GALNT13: variants seen among roughly 807,000 people sequenced by gnomAD.
GALNT13 encodes polypeptide N-acetylgalactosaminyltransferase 13.
GALNT13 carries 28 observed loss-of-function variants against 64.2 expected under a neutral mutation model. The observed-to-expected ratio is 0.44, with a 90% CI of 0.32 to 0.60. The LOEUF (loss-of-function observed/expected upper bound fraction) is 0.60. GALNT13 is among the 20% of genes least tolerant of loss of function. The pLI is 0.05. For missense variants in GALNT13, 577 were observed against 669.8 expected (o/e 0.86, Z 1.53); for synonymous variants, 214 against 224.6 (o/e 0.95, Z 0.42).
At chr2:153,720,253 G>C in the GALNT13 span, among the ~76,000 whole-genome samples, 71 of 145,640 alleles carry the variant, frequency 4.9e-4, 2 homozygotes, top group African/African-American at 1.8e-3. Context: ...TGAGGGTCCT[G>C]TCTGTTAGAA....
Position 154,242,067 on chromosome 2 carries a change from A to T in GALNT13, c.349A>T (p.Thr117Ser), listed in dbSNP as rs1689518317. Residue 117 changes from threonine (T) to serine (S), a missense_variant, in exon 5 of 13, where the codon ACA (threonine) becomes TCA (serine). Thr to Ser is a moderately conservative substitution (Grantham distance 58). Around this residue, in one of 3 missense-constraint regions of GALNT13, gnomAD observed 341 missense variants for 379.3 expected, o/e 0.90. Coordinates refer to ENST00000392825, the MANE Select transcript of GALNT13 (RefSeq NM_052917.4). Reference sequence around the variant, plus strand: ...AGTCTACCCTGATGAACTTCCAAACACAAGTGTAGTCATTGTGTTTCATAA... The same window carrying T: ...AGTCTACCCTGATGAACTTCCAAACTCAAGTGTAGTCATTGTGTTTCATAA... The part of the protein sequence containing the change: ...TKVYPDELPN[T>S]SVVIVFHNEA... 6.2e-7 allele frequency: 1 copy of T among 1,608,466 alleles called. No homozygotes were observed. Among genetic ancestry groups the T allele is most frequent in the African/African-American group, 1.3e-5 (1 of 74,700 alleles).
the GALNT13 span, among the ~76,000 whole-genome samples, chr2:153,534,717 G>T: frequency 6.6e-6 from 1 of 151,742 alleles, no homozygotes; most frequent in African/African-American, 2.4e-5. Context: ...GGTGCTCAGT[G>T]GGGGAGCTTT....
chr2:154,292,513 C>A (rs1013578320), intron 8 of GALNT13, among the ~76,000 whole-genome samples: 11 of 152,022 alleles, frequency 7.2e-5, no homozygotes, highest in African/African-American at 2.7e-4. Flanking sequence ...TATTATTTTA[C>A]CAGGTTTGCT....
At chr2:154,456,191 T>TTG (rs1702031063), downstream of GALNT13, among the ~76,000 whole-genome samples, 1 of 146,296 alleles carries the variant, frequency 6.8e-6, no homozygotes, top group African/African-American at 2.5e-5. Context: ...TTTGTTTTGT[T>TTG]TTGTTGTTGT....
the GALNT13 span, among the ~76,000 whole-genome samples, chr2:153,652,273 T>C: frequency 6.6e-6 from 1 of 152,188 alleles, no homozygotes; most frequent in African/African-American, 2.4e-5. Context: ...GTTGTAAAAG[T>C]ATTTTACAAT....
At chr2:154,123,980 C>G (rs1462184408) in intron 3 of GALNT13, among the ~76,000 whole-genome samples, 1 of 151,938 alleles carries the variant, frequency 6.6e-6, no homozygotes, top group Non-Finnish European at 1.5e-5. Context: ...ACTCATTGAA[C>G]TGCAAACAAA....
chr2:154,314,929 A>C (rs1423135850), intron 9 of GALNT13, among the ~76,000 whole-genome samples: 2 of 152,120 alleles, frequency 1.3e-5, no homozygotes, highest in Non-Finnish European at 2.9e-5. Context: ...TTCCTATGTT[A>C]TACTCATTTT....
chr2:154,370,781 T>C (rs1442690636), intron 9 of GALNT13, among the ~76,000 whole-genome samples: 1 of 152,126 alleles, frequency 6.6e-6, no homozygotes, highest in Non-Finnish European at 1.5e-5. Flanking sequence ...TTATAGATAA[T>C]ATTTAAATCC....
intron 9 of GALNT13, among the ~76,000 whole-genome samples, chr2:154,369,715 A>G (rs994720078): frequency 3.3e-5 from 5 of 152,202 alleles, no homozygotes; most frequent in African/African-American, 4.8e-5. Flanking sequence ...GCAGGCTGCT[A>G]TAACAGAATA....
chr2:153,760,912 G>A, the GALNT13 span, among the ~76,000 whole-genome samples: 3 of 152,102 alleles, frequency 2.0e-5, no homozygotes, highest in Admixed American at 6.6e-5. Flanking sequence ...GTGTTCCAAC[G>A]TTGGGTGTAT....
chr2:153,260,887 A>T, the GALNT13 span, among the ~76,000 whole-genome samples: 1 of 151,658 alleles, frequency 6.6e-6, no homozygotes, highest in African/African-American at 2.4e-5. Context: ...ATTCTTTTTT[A>T]TTCTTTTTTC....
At chr2:154,367,847 A>G (rs1697458245) in intron 9 of GALNT13, among the ~76,000 whole-genome samples, 1 of 152,238 alleles carries the variant, frequency 6.6e-6, no homozygotes, top group Non-Finnish European at 1.5e-5. Flanking sequence ...AGAATAATTT[A>G]TGGAACAAAA....
At chr2:153,503,533 T>C in the GALNT13 span, among the ~76,000 whole-genome samples, 2 of 152,172 alleles carry the variant, frequency 1.3e-5, no homozygotes, top group African/African-American at 2.4e-5. Context: ...CTCTGCCTCC[T>C]GGGTTCAAGC....
chr2:153,196,755 C>G, the GALNT13 span, among the ~76,000 whole-genome samples: 2 of 152,054 alleles, frequency 1.3e-5, no homozygotes, highest in African/African-American at 4.8e-5. Context: ...CCCACTGTGG[C>G]AGCCCCCAGG....
the GALNT13 span, among the ~76,000 whole-genome samples, chr2:153,113,734 C>T: frequency 6.6e-6 from 1 of 152,060 alleles, no homozygotes; most frequent in Admixed American, 6.5e-5. Flanking sequence ...TATGTCTAGC[C>T]TCATATGCAG....
At chr2:153,305,554 A>T in the GALNT13 span, among the ~76,000 whole-genome samples, 3 of 152,172 alleles carry the variant, frequency 2.0e-5, no homozygotes, top group Admixed American at 1.3e-4. Context: ...TGTTTTGGAA[A>T]GTGTACAGGG....
At chr2:153,751,897 ACTTT>A in the GALNT13 span, among the ~76,000 whole-genome samples, 3 of 150,354 alleles carry the variant, frequency 2.0e-5, no homozygotes, top group Non-Finnish European at 3.0e-5. Flanking sequence ...TTGACATGTG[ACTTT>A]CTTTCTTTCT....
chr2:153,136,913 G>T, the GALNT13 span, among the ~76,000 whole-genome samples: 7 of 150,570 alleles, frequency 4.6e-5, no homozygotes, highest in Admixed American at 2.0e-4. Flanking sequence ...TGAGCAGTGG[G>T]CTCCCCAAAC....
At chr2:153,135,469 A>G in the GALNT13 span, among the ~76,000 whole-genome samples, 1 of 152,096 alleles carries the variant, frequency 6.6e-6, no homozygotes, top group African/African-American at 2.4e-5. Flanking sequence ...GCTGAGTTTG[A>G]TAAAATGTAA....
Sources: gnomAD v4.1 joint callset for allele counts (sites outside exome capture counted in the v4.1 genomes callset) on GRCh38, gnomAD v4.1.1 for gene constraint, gnomAD v4.1.1 regional missense constraint, MANE v1.5 for transcripts, NCBI Gene and HGNC (gene_info 2026-07-23, HGNC 2026-07-21) for gene names.